ADCY8: variants seen among roughly 807,000 people sequenced by gnomAD.
ADCY8 encodes adenylate cyclase 8, also known as adenylate cyclase type 8.
Under a neutral mutation model 119.7 loss-of-function variants are expected in ADCY8, and 51 were observed. That is an observed-to-expected ratio of 0.43 (90% CI 0.34 to 0.54). ADCY8 has a LOEUF of 0.54. Ranked by LOEUF, ADCY8 falls within the 20% of genes least tolerant of loss-of-function variation. The pLI is 0.03. For missense variants in ADCY8, 1,383 were observed against 1,598.8 expected (o/e 0.87, Z 2.30); for synonymous variants, 665 against 651.0 (o/e 1.02, Z -0.33).
intron 4 of ADCY8, among the ~76,000 whole-genome samples, chr8:130,941,286 A>G (rs1820948422): frequency 6.6e-6 from 1 of 152,130 alleles, no homozygotes; most frequent in African/African-American, 2.4e-5. Flanking sequence ...ATGCATTCAC[A>G]TGTGATTTTC....
At chr8:131,020,515 A>T (rs186775258) in intron 1 of ADCY8, among the ~76,000 whole-genome samples, 10 of 152,362 alleles carry the variant, frequency 6.6e-5, no homozygotes, top group East Asian at 3.9e-4. Context: ...ATCAAGAACC[A>T]GGAGGAGGAC....
At position 130,842,651 on chromosome 8, in the gene ADCY8, T is replaced by A. The variant is rs138392494; in HGVS notation, c.2502+4773A>T. The stretch of plus-strand genomic sequence containing the variant: ...ACTTTGGGAGGCCCAGGCAGGTGGG[T>A]CACTTGTGGCCAGGAGTTTGAGACC... On this transcript the variant is annotated intron_variant, in intron 11 of 17. Coordinates refer to ENST00000286355, the MANE Select transcript of ADCY8 (RefSeq NM_001115.3). Among the ~76,000 whole-genome samples, 13 of 152,084 alleles carry A rather than the reference T, an allele frequency of 8.5e-5. No individual in the cohort carries two copies. In the East Asian group the frequency reaches 1.9e-3, roughly 23 times the overall value.
intron 1 of ADCY8, among the ~76,000 whole-genome samples, chr8:131,029,514 C>T (rs928687554): frequency 2.0e-5 from 3 of 152,064 alleles, no homozygotes; most frequent in Admixed American, 6.5e-5. Flanking sequence ...GGGAAGAGAA[C>T]AAGAGGGTGA....
At position 131,040,663 on chromosome 8, in the gene ADCY8, GC is replaced by G. The variant is rs1306136005; in HGVS notation, c.-331del. The G allele has an allele frequency of 4.3e-6, 1 of 231,228 alleles. No individual in the cohort carries two copies. Among genetic ancestry groups the G allele is most frequent in the Non-Finnish European group, 8.3e-6 (1 of 120,556 alleles). The allele number at this position is 231,228 out of a possible 1,614,324, so 14.3% of individuals were successfully genotyped here. Reference sequence around the variant, plus strand: ...CCACGCAGCCCCTTCCTGGGCTCAGGCTCCTTGGTTGATTCTAGGCTCAGCG... The same window carrying G: ...CCACGCAGCCCCTTCCTGGGCTCAGGTCCTTGGTTGATTCTAGGCTCAGCG... On this transcript the variant is annotated 5_prime_UTR_variant, in exon 1 of 18. Coordinates refer to ENST00000286355, the MANE Select transcript of ADCY8 (RefSeq NM_001115.3).
intron 1 of ADCY8, among the ~76,000 whole-genome samples, chr8:131,028,802 C>G (rs559495139): frequency 2.0e-5 from 3 of 152,194 alleles, no homozygotes; most frequent in African/African-American, 7.2e-5. Context: ...GATATCTTCC[C>G]CTAAGGAGTG....
intron 7 of ADCY8, among the ~76,000 whole-genome samples, chr8:130,896,818 A>C (rs2130502599): frequency 6.6e-6 from 1 of 152,244 alleles, no homozygotes; most frequent in African/African-American, 2.4e-5. Flanking sequence ...TAAACAGTGG[A>C]TGTCCCCATG....
chr8:130,874,861 C>A (rs927181972), intron 8 of ADCY8, among the ~76,000 whole-genome samples: 4 of 152,106 alleles, frequency 2.6e-5, no homozygotes, highest in African/African-American at 7.2e-5. Context: ...TCCAGCCCCC[C>A]ACCCACACCC....
In ADCY8 at chr8:131,036,168, A is replaced by C. The variant is rs762056796; in HGVS notation, c.960+3206T>G. On this transcript the variant is annotated intron_variant, in intron 1 of 17. Coordinates refer to ENST00000286355, the MANE Select transcript of ADCY8 (RefSeq NM_001115.3). ...TTCCTGATCCTCAGGGTATCACTGTAAAGTTTCTAGGATTCTGTCATTTTT... is the reference window on the plus strand; with the variant it reads ...TTCCTGATCCTCAGGGTATCACTGTCAAGTTTCTAGGATTCTGTCATTTTT... Among the ~76,000 whole-genome samples the C allele has an allele frequency of 1.3e-3, 200 of 152,180 alleles. 3 individuals carry two copies. The highest frequency in any genetic ancestry group is 2.9e-4 in the Non-Finnish European group (20 of 68,022).
intron 14 of ADCY8, among the ~76,000 whole-genome samples, chr8:130,813,810 T>A (rs1038153058): frequency 6.6e-6 from 1 of 152,116 alleles, no homozygotes; most frequent in African/African-American, 2.4e-5. Context: ...TACATATATA[T>A]ACACACACAC....
chr8:130,989,100 G>T (rs945215164), intron 2 of ADCY8, among the ~76,000 whole-genome samples: 4 of 152,182 alleles, frequency 2.6e-5, no homozygotes, highest in Non-Finnish European at 5.9e-5. Context: ...CTTTCTTAAA[G>T]TTATTTTTCT....
chr8:130,876,809 A>G (rs1256235402), intron 8 of ADCY8, among the ~76,000 whole-genome samples: 2 of 152,134 alleles, frequency 1.3e-5, no homozygotes, highest in African/African-American at 2.4e-5. Context: ...GCATTACTGT[A>G]TAACTCCTCC....
At chr8:130,914,694 C>T (rs566334579) in intron 5 of ADCY8, among the ~76,000 whole-genome samples, 1 of 152,174 alleles carries the variant, frequency 6.6e-6, no homozygotes, top group African/African-American at 2.4e-5. Flanking sequence ...AATTCTACTC[C>T]TAGCGACAAG....
At chr8:131,015,302 G>T (rs1226818489) in intron 1 of ADCY8, among the ~76,000 whole-genome samples, 1 of 152,178 alleles carries the variant, frequency 6.6e-6, no homozygotes, top group African/African-American at 2.4e-5. Context: ...TGATTAAAAG[G>T]AGAAACAAAT....
chr8:130,847,892 A>T, intron 10 of ADCY8, among the ~76,000 whole-genome samples: 1 of 152,152 alleles, frequency 6.6e-6, no homozygotes, highest in South Asian at 2.1e-4. Context: ...AACAGCTGGG[A>T]GGACTTGAAG....
Position 130,922,426 on chromosome 8 carries a change from G to A in ADCY8, c.1482-12560C>T, listed in dbSNP as rs187184591. Reference sequence around the variant, plus strand: ...GGTGATGACTCTTAACGAGCATGCTGCCTTCAAGCATCTGTTTAACAAAGC... The same window carrying A: ...GGTGATGACTCTTAACGAGCATGCTACCTTCAAGCATCTGTTTAACAAAGC... On this transcript the variant is annotated intron_variant, in intron 5 of 17. Coordinates refer to ENST00000286355, the MANE Select transcript of ADCY8 (RefSeq NM_001115.3). Among the ~76,000 whole-genome samples the A allele has an allele frequency of 3.4e-3, 522 of 152,012 alleles. 2 individuals are homozygous for A. Among genetic ancestry groups the A allele is most frequent in the African/African-American group, 0.012 (509 of 41,456 alleles).
intron 12 of ADCY8, among the ~76,000 whole-genome samples, chr8:130,823,754 C>T (rs1050228783): frequency 6.6e-6 from 1 of 151,862 alleles, no homozygotes; most frequent in African/African-American, 2.4e-5. Flanking sequence ...ATAAAAATTG[C>T]CCTTAAGCCT....
At chr8:131,032,652 C>T (rs573399419) in intron 1 of ADCY8, among the ~76,000 whole-genome samples, 3 of 152,114 alleles carry the variant, frequency 2.0e-5, no homozygotes, top group African/African-American at 7.2e-5. Flanking sequence ...TTCTTCCTCT[C>T]CCCCACAGGG....
chr8:130,904,512 A>G (rs1305163319), intron 6 of ADCY8, among the ~76,000 whole-genome samples: 1 of 152,154 alleles, frequency 6.6e-6, no homozygotes, highest in South Asian at 2.1e-4. Flanking sequence ...ATCTTCATGT[A>G]TTTGTAACTT....
At chr8:130,928,764 G>A (rs1201070386) in intron 5 of ADCY8, among the ~76,000 whole-genome samples, 1 of 152,046 alleles carries the variant, frequency 6.6e-6, no homozygotes, top group Non-Finnish European at 1.5e-5. Context: ...CTTTTTTCTA[G>A]TGTCTTTGTC....
Sources: allele counts gnomAD v4.1 joint callset (sites outside exome capture counted in the v4.1 genomes callset), GRCh38; gene constraint gnomAD v4.1.1; transcripts MANE v1.5; gene names NCBI Gene and HGNC (gene_info 2026-07-23, HGNC 2026-07-21).